Variants in BAIAP2 observed in about 807,000 individuals in gnomAD.
The protein encoded by BAIAP2 is BAR/IMD domain containing adaptor protein 2.
BAIAP2 carries 18 observed loss-of-function variants against 63.0 expected under a neutral mutation model. The observed-to-expected ratio is 0.29, with a 90% CI of 0.20 to 0.42. The LOEUF is 0.42. Among genes scored for constraint, BAIAP2 ranks in the 10% least tolerant of loss-of-function variants. The probability of loss-of-function intolerance (pLI) is 1.00; values close to 1 mark genes in which losing one functional copy is unlikely to be tolerated. For missense variants in BAIAP2, 610 were observed against 734.3 expected (o/e 0.83, Z 1.96); for synonymous variants, 386 against 307.6 (o/e 1.25, Z -2.67).
At chr17:81,052,147 C>T (rs916523793) in intron 1 of BAIAP2, among the ~76,000 whole-genome samples, 1 of 152,214 alleles carries the variant, frequency 6.6e-6, no homozygotes, top group Non-Finnish European at 1.5e-5. Flanking sequence ...TCCTGCTTTC[C>T]CAGGAACTCA....
chr17:81,040,490 G>A (rs1249575037), intron 1 of BAIAP2, among the ~76,000 whole-genome samples: 1 of 152,280 alleles, frequency 6.6e-6, no homozygotes, highest in Non-Finnish European at 1.5e-5. Context: ...GGCAGAAAGG[G>A]AGGCCGAGAA....
chr17:81,050,702 C>T (rs2143992932), intron 1 of BAIAP2, among the ~76,000 whole-genome samples: 1 of 104,366 alleles, frequency 9.6e-6, no homozygotes, highest in Middle Eastern at 4.7e-3. Flanking sequence ...CTTGATGCTG[C>T]AGCTCAGCAC....
rs1438159422 is a variant in BAIAP2 at position 81,053,956 on chromosome 17, CTTGGGGTGGGAG to C, written c.130+214_130+225del. ...AGCTGGTAGAACTGTGCCCGGGCCC[CTTGGGGTGGGAG>C]CTGCCTCCTGAGCTGGTAGAACTGT... On this transcript the variant is annotated intron_variant, in intron 2 of 13. Transcript: ENST00000428708. Among the ~76,000 whole-genome samples, 6 of 18,422 alleles carry C rather than the reference CTTGGGGTGGGAG, an allele frequency of 3.3e-4. 1 individual carries two copies. Among genetic ancestry groups the C allele is most frequent in the Admixed American group, 6.9e-4 (2 of 2,894 alleles). The allele number at this position is 18,422 out of a possible 152,430, so 12.1% of individuals were successfully genotyped here. A position where few individuals can be genotyped will look rare whatever the true frequency, so the allele number is the denominator to read the frequency against.
chr17:81,079,422 GTAGGTGGTTGAAA>G (rs796748670), intron 3 of BAIAP2, among the ~76,000 whole-genome samples: 4 of 152,220 alleles, frequency 2.6e-5, no homozygotes, highest in African/African-American at 9.6e-5. Context: ...CGGTGCATTG[GTAGGTGGTTGAAA>G]AGAGAGAGGC....
chr17:81,086,122 G>A (rs1460200680), intron 5 of BAIAP2, among the ~76,000 whole-genome samples: 1 of 149,382 alleles, frequency 6.7e-6, no homozygotes, highest in Non-Finnish European at 1.5e-5. Flanking sequence ...ACTGCTTGAG[G>A]GTTTGAGGGT....
intron 6 of BAIAP2, chr17:81,087,922 TG>T (rs1165915560): frequency 6.6e-6 from 1 of 152,114 alleles, no homozygotes; most frequent in Non-Finnish European, 1.5e-5. Flanking sequence ...CTTTCTATGA[TG>T]GGCCCATCAT....
intron 3 of BAIAP2, among the ~76,000 whole-genome samples, chr17:81,080,132 T>C (rs1050429442): frequency 6.6e-6 from 1 of 152,128 alleles, no homozygotes; most frequent in Non-Finnish European, 1.5e-5. Context: ...GATCTTAGGG[T>C]CTTGGCATTC....
chr17:81,088,786 G>A (rs1335489411), intron 6 of BAIAP2, among the ~76,000 whole-genome samples: 2 of 152,242 alleles, frequency 1.3e-5, no homozygotes, highest in South Asian at 2.1e-4. Flanking sequence ...GGCCAGGGCC[G>A]TCTCCCTGGC....
chr17:81,069,748 C>G (rs1003604747), intron 3 of BAIAP2, among the ~76,000 whole-genome samples: 2 of 152,184 alleles, frequency 1.3e-5, no homozygotes, highest in Non-Finnish European at 2.9e-5. Flanking sequence ...CCAGTACGTT[C>G]CTAGGCAAGG....
chr17:81,107,101 C>A (rs547401922), intron 12 of BAIAP2, 194 bp downstream of exon 12: 3 of 650,828 alleles, frequency 4.6e-6, no homozygotes, highest in Non-Finnish European at 7.3e-6. Context: ...CCCGCCTCGC[C>A]GCAGCAGGCT....
intron 1 of BAIAP2, among the ~76,000 whole-genome samples, chr17:81,047,425 T>C (rs1381080596): frequency 6.6e-6 from 1 of 152,140 alleles, no homozygotes; most frequent in East Asian, 1.9e-4. Flanking sequence ...CTTTCTCTGT[T>C]TGTTCTTCTG....
At chr17:81,104,949 C>T (rs1568181220) in intron 10 of BAIAP2, 9 of 523,334 alleles carry the variant, frequency 1.7e-5, no homozygotes, top group Non-Finnish European at 2.4e-5. Context: ...CAGGGGTCTT[C>T]CCCTACAGGA....
In BAIAP2 at chr17:81,104,603, G is replaced by A. The variant is rs761731419; in HGVS notation, c.1156G>A (p.Ala386Thr). ...GCGGGTGAAGGCCATCTTCTCCCACGCTGCTGGGGACAACAGCACCCTCCT... is the reference window on the plus strand; with the variant it reads ...GCGGGTGAAGGCCATCTTCTCCCACACTGCTGGGGACAACAGCACCCTCCT... ...RMRVKAIFSHAAGDNSTLLSF... is the reference protein window; with the variant it reads ...RMRVKAIFSHTAGDNSTLLSF... Residue 386 changes from alanine to threonine, a missense_variant, in exon 10 of 14, where the codon GCT becomes ACT. Transcript: ENST00000428708. The A allele has an allele frequency of 3.7e-6, 6 of 1,612,234 alleles. No homozygotes were observed. In the South Asian group the frequency reaches 4.4e-5, roughly 12 times the overall value.
intron 1 of BAIAP2, chr17:81,037,042 C>CCTT (rs1339383484): frequency 8.6e-7 from 1 of 1,167,730 alleles, no homozygotes; most frequent in African/African-American, 1.5e-5. Context: ...GGGCAGTAGG[C>CCTT]CTTCACCTAG....
At chr17:81,101,695 C>T (rs1226726230) in intron 7 of BAIAP2, among the ~76,000 whole-genome samples, 1 of 152,234 alleles carries the variant, frequency 6.6e-6, no homozygotes, top group African/African-American at 2.4e-5. Context: ...AGCCTGGGGA[C>T]AGCCAGGAGA....
intron 12 of BAIAP2, chr17:81,107,924 G>C (rs4969387): frequency 0.76 from 120,978 of 159,694 alleles, 46,072 homozygotes; most frequent in Middle Eastern, 0.87. Flanking sequence ...GCCCTAGGCC[G>C]CGGGCCAGGC....
At chr17:81,042,625 C>T (rs1320171655) in intron 1 of BAIAP2, among the ~76,000 whole-genome samples, 1 of 152,078 alleles carries the variant, frequency 6.6e-6, no homozygotes, top group Non-Finnish European at 1.5e-5. Flanking sequence ...GTCATGGCTG[C>T]CCCAGTGGGA....
chr17:81,048,335 C>T (rs577681907), intron 1 of BAIAP2, among the ~76,000 whole-genome samples: 128 of 118,720 alleles, frequency 1.1e-3, no homozygotes, highest in African/African-American at 4.1e-3. Context: ...CCAGCCTGGG[C>T]GACAGAGCAA....
chr17:81,045,872 C>G (rs1253566898), intron 1 of BAIAP2, among the ~76,000 whole-genome samples: 1 of 152,138 alleles, frequency 6.6e-6, no homozygotes, highest in East Asian at 1.9e-4. Context: ...CCCCTCCTGA[C>G]CCCCCGGGGA....
Sources: allele counts gnomAD v4.1 joint callset (sites outside exome capture counted in the v4.1 genomes callset), GRCh38; gene constraint gnomAD v4.1.1; transcripts MANE v1.5; gene names NCBI Gene and HGNC (gene_info 2026-07-23, HGNC 2026-07-21).